The following SRPK2 variants were observed in gnomAD, a reference collection of about 807,000 sequenced individuals.
SRPK2 encodes SRSF protein kinase 2.
In SRPK2, 21 loss-of-function variants were observed where a neutral mutation model predicts 90.8. That is an observed-to-expected ratio of 0.23 (90% CI 0.16 to 0.33). The LOEUF (loss-of-function observed/expected upper bound fraction) is 0.33, where lower values mean the gene tolerates loss of function less well. Ranked by LOEUF, SRPK2 falls within the 10% of genes least tolerant of loss-of-function variation. The pLI, the probability that SRPK2 is intolerant of heterozygous loss-of-function variation, is 1.00. For synonymous variants in SRPK2, 288 were observed against 311.1 expected (o/e 0.93, Z 0.78); for missense variants, 620 against 869.0 (o/e 0.71, Z 3.60).
intron 3 of SRPK2, among the ~76,000 whole-genome samples, chr7:105,193,602 G>T (rs745779903): frequency 6.6e-6 from 1 of 152,130 alleles, no homozygotes; most frequent in Non-Finnish European, 1.5e-5. Context: ...GAATTGCACC[G>T]AATTTGTAGA....
At chr7:105,187,951 G>C (rs1434845082) in intron 3 of SRPK2, among the ~76,000 whole-genome samples, 1 of 152,194 alleles carries the variant, frequency 6.6e-6, no homozygotes, top group Non-Finnish European at 1.5e-5. Context: ...GGAATATACA[G>C]TGACACAGCC....
upstream of SRPK2, chr7:105,388,922 GCGC>G (rs754679660): frequency 2.7e-3 from 3,185 of 1,200,284 alleles, 71 homozygotes; most frequent in East Asian, 0.054. Context: ...AACCGCGCCT[GCGC>G]CGCCGCCGCC....
intron 2 of SRPK2, chr7:105,204,868 G>A (rs1238561686): frequency 2.3e-6 from 1 of 437,278 alleles, no homozygotes; most frequent in East Asian, 6.3e-5. Flanking sequence ...CCTAGTTGTT[G>A]AGAGCAGGTG....
Position 105,214,177 on chromosome 7 carries a change from T to C in SRPK2, c.72-10392A>G, listed in dbSNP as rs141557570. On this transcript the variant is annotated intron_variant, in intron 2 of 15. Transcript: ENST00000393651. ...ATTTCTATCACCACAGAAAGTTATA[T>C]TGGACAGTAATGCTGCAGGCTCTAG... Among the ~76,000 whole-genome samples the C allele has an allele frequency of 5.9e-5, 9 of 152,330 alleles. No homozygotes were observed. The East Asian group carries it at 1.7e-3, about 29-fold the overall frequency.
At chr7:105,354,054 A>G (rs557492219) in intron 2 of SRPK2, among the ~76,000 whole-genome samples, 3 of 152,332 alleles carry the variant, frequency 2.0e-5, no homozygotes, top group Admixed American at 6.5e-5. Context: ...TTGCTGGCCC[A>G]ACAGCTGCTG....
intron 2 of SRPK2, among the ~76,000 whole-genome samples, chr7:105,269,973 A>C (rs1239106749): frequency 6.6e-6 from 1 of 152,228 alleles, no homozygotes; most frequent in African/African-American, 2.4e-5. Context: ...AGACCTCAAT[A>C]GTTTTTTAAG....
chr7:105,286,298 T>A (rs1808094304), intron 2 of SRPK2, among the ~76,000 whole-genome samples: 1 of 152,236 alleles, frequency 6.6e-6, no homozygotes, highest in South Asian at 2.1e-4. Flanking sequence ...AAGTTTATAA[T>A]CTTGCTGCTC....
intron 2 of SRPK2, among the ~76,000 whole-genome samples, chr7:105,375,753 C>T (rs1820203591): frequency 6.6e-6 from 1 of 152,200 alleles, no homozygotes; most frequent in African/African-American, 2.4e-5. Flanking sequence ...AGATGTTTCG[C>T]TATTCAAGTT....
At chr7:105,129,500 G>A (rs544483055) in intron 13 of SRPK2, among the ~76,000 whole-genome samples, 2 of 152,070 alleles carry the variant, frequency 1.3e-5, no homozygotes, top group Non-Finnish European at 1.5e-5. Context: ...TCAGCCACCT[G>A]AGTAGCTAGG....
intron 15 of SRPK2, among the ~76,000 whole-genome samples, chr7:105,119,875 T>C (rs1008324498): frequency 6.6e-6 from 1 of 152,152 alleles, no homozygotes. Flanking sequence ...AAAATGGTGG[T>C]TAAAAGAAAA....
At chr7:105,216,358 A>T (rs1797463559) in intron 2 of SRPK2, among the ~76,000 whole-genome samples, 1 of 152,202 alleles carries the variant, frequency 6.6e-6, no homozygotes, top group Non-Finnish European at 1.5e-5. Context: ...GGTTGTCTCC[A>T]GGAAAAGGAA....
chr7:105,200,679 C>A (rs1795438407), intron 3 of SRPK2, among the ~76,000 whole-genome samples: 1 of 152,100 alleles, frequency 6.6e-6, no homozygotes, highest in South Asian at 2.1e-4. Context: ...ACCTGTGTAC[C>A]ATCTGAAAGG....
Position 105,116,393 on chromosome 7 carries a change from A to G in SRPK2, c.*1445T>C, listed in dbSNP as rs1320660152. 2 of 152,556 alleles carry G rather than the reference A, an allele frequency of 1.3e-5. No individual in the cohort carries two copies. The highest frequency in any genetic ancestry group is 2.9e-5 in the Non-Finnish European group (2 of 67,984). The allele number at this position is 152,556 out of a possible 1,614,324, so 9.5% of individuals were successfully genotyped here. ...GCAATGTCTGGAAAAAAAAAAACCAAAACACTTTAATTTTTAAGACAACTG... is the reference window on the plus strand; with the variant it reads ...GCAATGTCTGGAAAAAAAAAAACCAGAACACTTTAATTTTTAAGACAACTG... On this transcript the variant is annotated 3_prime_UTR_variant, in exon 16 of 16. Transcript: ENST00000393651.
At chr7:105,261,168 ATT>A (rs1029122919) in intron 2 of SRPK2, among the ~76,000 whole-genome samples, 2 of 152,182 alleles carry the variant, frequency 1.3e-5, no homozygotes, top group Non-Finnish European at 2.9e-5. Context: ...TCCAAATTTA[ATT>A]TCCATTGTAT....
chr7:105,329,801 G>A (rs1410334381), intron 2 of SRPK2, among the ~76,000 whole-genome samples: 5 of 151,864 alleles, frequency 3.3e-5, no homozygotes, highest in African/African-American at 4.8e-5. Context: ...AGGCCGAGAC[G>A]GGCAAATTAT....
intron 3 of SRPK2, among the ~76,000 whole-genome samples, chr7:105,193,128 G>C (rs1427969086): frequency 6.6e-6 from 1 of 152,158 alleles, no homozygotes; most frequent in Non-Finnish European, 1.5e-5. Flanking sequence ...CCAATGTCTA[G>C]AAGGATTTTT....
intron 3 of SRPK2, among the ~76,000 whole-genome samples, chr7:105,173,172 A>G (rs1791375573): frequency 1.3e-5 from 2 of 152,096 alleles, no homozygotes; most frequent in African/African-American, 4.8e-5. Flanking sequence ...GGAGTGCAGT[A>G]GAGCAGCACG....
rs550683536 is a variant in SRPK2 at position 105,388,403 on chromosome 7, C to A, written c.71+245G>T. On this transcript the variant is annotated intron_variant, in intron 2 of 15. Coordinates refer to ENST00000393651, the MANE Select transcript of SRPK2 (RefSeq NM_182692.3). ...CTCCCGCCCGCCGGCCGGTGGCGAC[C>A]CGGGGCGGGAGGTCGCGGGGTCGAG... is the stretch of plus-strand genomic sequence containing the variant. 1.5e-3 allele frequency among the ~76,000 whole-genome samples: 223 copies of A among 148,748 alleles called. 2 individuals are homozygous for A. The highest frequency in any genetic ancestry group is 5.1e-3 in the African/African-American group (210 of 41,036).
chr7:105,383,320 G>T (rs1821170660), intron 2 of SRPK2, among the ~76,000 whole-genome samples: 2 of 147,876 alleles, frequency 1.4e-5, no homozygotes, highest in East Asian at 2.0e-4. Flanking sequence ...GCCCACCTCA[G>T]CCTCCCAAAG....
Sources: allele counts gnomAD v4.1 joint callset (sites outside exome capture counted in the v4.1 genomes callset), GRCh38; gene constraint gnomAD v4.1.1; transcripts MANE v1.5; gene names NCBI Gene and HGNC (gene_info 2026-07-23, HGNC 2026-07-21).